ST6GALNAC3: variants seen among roughly 807,000 people sequenced by gnomAD.
ST6GALNAC3 encodes ST6 N-acetylgalactosaminide alpha-2,6-sialyltransferase 3.
Under a neutral mutation model 32.7 loss-of-function variants are expected in ST6GALNAC3, and 25 were observed. The observed-to-expected ratio is 0.76, with a 90% CI of 0.56 to 1.07. ST6GALNAC3 has a LOEUF of 1.07. Ranked by LOEUF, ST6GALNAC3 falls within the 50% of genes least tolerant of loss-of-function variation. The pLI is 0.00. For synonymous variants in ST6GALNAC3, 129 were observed against 133.1 expected, an observed-to-expected ratio of 0.97 and a Z score of 0.21; for missense variants, 355 against 382.4, an observed-to-expected ratio of 0.93 and a Z score of 0.60.
intron 1 of ST6GALNAC3, among the ~76,000 whole-genome samples, chr1:76,253,531 GC>G (rs1445746339): frequency 6.6e-6 from 1 of 152,134 alleles, no homozygotes; most frequent in Non-Finnish European, 1.5e-5. Context: ...GTTGTAAAGT[GC>G]CAGACTTCTT....
chr1:76,609,391 G>GT (rs1389314426), intron 3 of ST6GALNAC3, among the ~76,000 whole-genome samples: 1 of 152,086 alleles, frequency 6.6e-6, no homozygotes, highest in Non-Finnish European at 1.5e-5. Flanking sequence ...TAACAGAGGT[G>GT]TTTTTTATTA....
At chr1:76,562,431 A>G (rs1272335126) in intron 3 of ST6GALNAC3, among the ~76,000 whole-genome samples, 1 of 152,206 alleles carries the variant, frequency 6.6e-6, no homozygotes, top group African/African-American at 2.4e-5. Context: ...GGAATGATAT[A>G]GTGGGAACAA....
chr1:76,463,229 C>T (rs1383351105), intron 3 of ST6GALNAC3, among the ~76,000 whole-genome samples: 1 of 152,138 alleles, frequency 6.6e-6, no homozygotes, highest in Non-Finnish European at 1.5e-5. Context: ...TTTAAATTTG[C>T]TTCTCCAAAT....
intron 1 of ST6GALNAC3, among the ~76,000 whole-genome samples, chr1:76,144,636 C>A (rs1650559239): frequency 6.6e-6 from 1 of 152,242 alleles, no homozygotes; most frequent in African/African-American, 2.4e-5. Flanking sequence ...CCCATGCTAG[C>A]TTCTAATGCA....
chr1:76,261,118 G>A (rs186680429), intron 1 of ST6GALNAC3, among the ~76,000 whole-genome samples: 1 of 151,952 alleles, frequency 6.6e-6, no homozygotes, highest in East Asian at 1.9e-4. Context: ...TAAGTATATA[G>A]TGTTATTATT....
At chr1:76,225,252 T>G (rs1655999754) in intron 1 of ST6GALNAC3, among the ~76,000 whole-genome samples, 1 of 152,158 alleles carries the variant, frequency 6.6e-6, no homozygotes, top group African/African-American at 2.4e-5. Context: ...ATCTTATGCC[T>G]TATATCCAAA....
At chr1:76,512,855 G>A (rs886854827) in intron 3 of ST6GALNAC3, among the ~76,000 whole-genome samples, 2 of 152,040 alleles carry the variant, frequency 1.3e-5, no homozygotes, top group Non-Finnish European at 2.9e-5. Flanking sequence ...ATGGAGCAAG[G>A]TGATGATATC....
chr1:76,232,637 G>A (rs143326666), intron 1 of ST6GALNAC3, among the ~76,000 whole-genome samples: 81 of 152,288 alleles, frequency 5.3e-4, no homozygotes, highest in Middle Eastern at 6.8e-3. Context: ...GGCTGTTGTT[G>A]AACTGTATCA....
intron 1 of ST6GALNAC3, among the ~76,000 whole-genome samples, chr1:76,147,653 ATTTG>A (rs1402918445): frequency 2.0e-5 from 3 of 152,166 alleles, no homozygotes; most frequent in Non-Finnish European, 4.4e-5. Flanking sequence ...AGACTGGGAT[ATTTG>A]TTTGTTCATG....
chr1:76,249,845 T>G (rs1411548168), intron 1 of ST6GALNAC3, among the ~76,000 whole-genome samples: 1 of 152,226 alleles, frequency 6.6e-6, no homozygotes. Flanking sequence ...TGCATTTTTC[T>G]GTTGATTAAT....
intron 3 of ST6GALNAC3, among the ~76,000 whole-genome samples, chr1:76,573,840 G>A (rs191594859): frequency 6.7e-6 from 1 of 149,036 alleles, no homozygotes; most frequent in Non-Finnish European, 1.5e-5. Flanking sequence ...TGAATGGTCT[G>A]GTTCTTTGGG....
intron 3 of ST6GALNAC3, among the ~76,000 whole-genome samples, chr1:76,461,193 T>C (rs981197510): frequency 2.0e-5 from 3 of 152,212 alleles, no homozygotes; most frequent in African/African-American, 7.2e-5. Context: ...ATACTCTGTA[T>C]CTACTGGTAG....
At chr1:76,331,463 G>T (rs1647185305) in intron 2 of ST6GALNAC3, among the ~76,000 whole-genome samples, 1 of 152,128 alleles carries the variant, frequency 6.6e-6, no homozygotes, top group Admixed American at 6.5e-5. Flanking sequence ...TAGAACCTTT[G>T]CTCCACCTTT....
chr1:76,549,920 C>T (rs1178485181), intron 3 of ST6GALNAC3, among the ~76,000 whole-genome samples: 1 of 152,118 alleles, frequency 6.6e-6, no homozygotes, highest in African/African-American at 2.4e-5. Context: ...TTGTGTTTCC[C>T]TGACAATGAG....
chr1:76,383,424 C>G (rs1031065502), intron 2 of ST6GALNAC3, among the ~76,000 whole-genome samples: 1 of 146,496 alleles, frequency 6.8e-6, no homozygotes, highest in Non-Finnish European at 1.5e-5. Context: ...TTGCATGCCA[C>G]TATGCCTGGC....
At chr1:76,537,808 A>G (rs1011737266) in intron 3 of ST6GALNAC3, among the ~76,000 whole-genome samples, 1 of 152,150 alleles carries the variant, frequency 6.6e-6, no homozygotes, top group African/African-American at 2.4e-5. Context: ...CCCTCCCAAG[A>G]CTAAACCAGG....
At chr1:76,386,942 C>A (rs910002659) in intron 2 of ST6GALNAC3, among the ~76,000 whole-genome samples, 1 of 152,130 alleles carries the variant, frequency 6.6e-6, no homozygotes, top group African/African-American at 2.4e-5. Flanking sequence ...CTGGCATCCT[C>A]ACTTACCCAT....
chr1:76,096,629 A>C (rs1014274881), intron 1 of ST6GALNAC3, among the ~76,000 whole-genome samples: 3 of 151,602 alleles, frequency 2.0e-5, no homozygotes, highest in Non-Finnish European at 2.9e-5. Flanking sequence ...TAATGAAGGA[A>C]AGTGCACCAA....
At chr1:76,403,561 C>T (rs1653589785) in intron 2 of ST6GALNAC3, among the ~76,000 whole-genome samples, 1 of 152,090 alleles carries the variant, frequency 6.6e-6, no homozygotes, top group Non-Finnish European at 1.5e-5. Context: ...TGTGCAGGTG[C>T]CATCCTCAGA....
Sources: gnomAD v4.1 joint callset for allele counts (sites outside exome capture counted in the v4.1 genomes callset) on GRCh38, gnomAD v4.1.1 for gene constraint, MANE v1.5 for transcripts, NCBI Gene and HGNC (gene_info 2026-07-23, HGNC 2026-07-21) for gene names.